HS6ST1: variants seen among roughly 807,000 people sequenced by gnomAD.
HS6ST1 encodes the protein heparan sulfate 6-O-sulfotransferase 1, also known as heparan-sulfate 6-O-sulfotransferase 1.
A neutral mutation model predicts 25.2 loss-of-function variants in HS6ST1; 3 were observed. The observed-to-expected ratio is 0.12, with a 90% CI of 0.05 to 0.31. HS6ST1 has a LOEUF of 0.31. Ranked by LOEUF, HS6ST1 falls within the 10% of genes least tolerant of loss-of-function variation. The pLI, the probability that HS6ST1 is intolerant of heterozygous loss-of-function variation, is 1.00. For synonymous variants in HS6ST1, 204 were observed against 275.1 expected, an observed-to-expected ratio of 0.74 and a Z score of 2.56; for missense variants, 310 against 609.6, an observed-to-expected ratio of 0.51 and a Z score of 5.18.
intron 1 of HS6ST1, among the ~76,000 whole-genome samples, chr2:128,284,883 AC>A (rs918230969): frequency 1.3e-5 from 2 of 151,748 alleles, no homozygotes; most frequent in Non-Finnish European, 2.9e-5. Flanking sequence ...ACGGCTGCAG[AC>A]CCCCACCCCC....
At chr2:128,312,070 C>G (rs541981611) in intron 1 of HS6ST1, among the ~76,000 whole-genome samples, 1 of 152,234 alleles carries the variant, frequency 6.6e-6, no homozygotes, top group Admixed American at 6.5e-5. Context: ...GTAAACGCAA[C>G]GACACAGGCC....
At chr2:128,304,641 C>A (rs1056396834) in intron 1 of HS6ST1, among the ~76,000 whole-genome samples, 1 of 131,810 alleles carries the variant, frequency 7.6e-6, no homozygotes, top group Non-Finnish European at 1.6e-5. Flanking sequence ...ATGCACACAG[C>A]CGCTGTAGTC....
chr2:128,287,386 C>T (rs1003464592), intron 1 of HS6ST1, among the ~76,000 whole-genome samples: 6 of 152,160 alleles, frequency 3.9e-5, no homozygotes, highest in Non-Finnish European at 8.8e-5. Flanking sequence ...TGAGGGTGAA[C>T]GAGACCCCCA....
At chr2:128,304,551 C>A (rs1177968256) in intron 1 of HS6ST1, among the ~76,000 whole-genome samples, 1 of 47,218 alleles carries the variant, frequency 2.1e-5, no homozygotes, top group South Asian at 5.1e-4. Context: ...GACAGCTGCA[C>A]AGGACTCCAG....
In HS6ST1 at chr2:128,266,973, G is replaced by A. The variant is rs1693526646; in HGVS notation, c.*1189C>T. The A allele has an allele frequency of 6.6e-6, 1 of 152,160 alleles. No individual in the cohort carries two copies. The highest frequency in any genetic ancestry group is 1.5e-5 in the Non-Finnish European group (1 of 68,040). The allele number at this position is 152,160 out of a possible 1,614,324, so 9.4% of individuals were successfully genotyped here. A position where few individuals can be genotyped will look rare whatever the true frequency, so the allele number is the denominator to read the frequency against. Reference sequence around the variant, plus strand: ...CATGGGGAAATGCAAGGAGAGCCAGGGTGGGGAGGGCTGAGTGTCTGTTGT... The same window carrying A: ...CATGGGGAAATGCAAGGAGAGCCAGAGTGGGGAGGGCTGAGTGTCTGTTGT... On this transcript the variant is annotated 3_prime_UTR_variant, in exon 2 of 2. Transcript: ENST00000259241.
Position 128,314,705 on chromosome 2 carries a change from C to CA in HS6ST1, c.527+3331dup, listed in dbSNP as rs58728217. Among the ~76,000 whole-genome samples, 249 of 152,320 alleles carry CA rather than the reference C, an allele frequency of 1.6e-3. 1 individual carries two copies. The highest frequency in any genetic ancestry group is 5.7e-3 in the African/African-American group (236 of 41,578). On this transcript the variant is annotated intron_variant, in intron 1 of 1. Transcript: ENST00000259241. ...CAAGGAAGCACTGGTCTCTGCAGGG[C>CA]AACGTCACAGAGGCTGCGAGCCCAC...
chr2:128,282,146 G>A (rs116339251), intron 1 of HS6ST1, among the ~76,000 whole-genome samples: 183 of 152,370 alleles, frequency 1.2e-3, no homozygotes, highest in African/African-American at 4.3e-3. Context: ...ACCATGGCCA[G>A]GGTGGTGTTT....
chr2:128,290,801 GTC>G (rs1199878686), intron 1 of HS6ST1, among the ~76,000 whole-genome samples: 2 of 112,662 alleles, frequency 1.8e-5, no homozygotes, highest in African/African-American at 7.3e-5. Context: ...GCGAAACACC[GTC>G]TCTACTAAAA....
chr2:128,300,572 G>A (rs921450366), intron 1 of HS6ST1, among the ~76,000 whole-genome samples: 1 of 152,206 alleles, frequency 6.6e-6, no homozygotes, highest in Non-Finnish European at 1.5e-5. Flanking sequence ...GGGAGGGACA[G>A]CTGGGACCCC....
intron 1 of HS6ST1, among the ~76,000 whole-genome samples, chr2:128,282,365 G>A (rs193026406): frequency 2.6e-5 from 4 of 152,348 alleles, no homozygotes; most frequent in Admixed American, 2.6e-4. Context: ...CCAACCTGGT[G>A]GTACCTCACT....
At chr2:128,293,969 T>A (rs538090445) in intron 1 of HS6ST1, among the ~76,000 whole-genome samples, 1 of 152,136 alleles carries the variant, frequency 6.6e-6, no homozygotes. Flanking sequence ...TGGGGGTCCA[T>A]GCTGAGACCA....
Position 128,267,324 on chromosome 2 carries a change from C to T in HS6ST1, c.*838G>A, listed in dbSNP as rs1427595567. On this transcript the variant is annotated 3_prime_UTR_variant, in exon 2 of 2. Transcript: ENST00000259241. ...TCTGAGCCAGGCCTGCCTGGATGGT[C>T]ACCTCCAAGGGCCAGCCGCGGACTC... 6.6e-6 allele frequency: 1 copy of T among 152,200 alleles called. No homozygotes were observed. The highest frequency in any genetic ancestry group is 2.4e-5 in the African/African-American group (1 of 41,450). 9.4% of individuals were successfully genotyped at this position (152,200 alleles called of 1,614,324 possible).
At chr2:128,274,213 T>C (rs1248119024) in intron 1 of HS6ST1, among the ~76,000 whole-genome samples, 3 of 151,830 alleles carry the variant, frequency 2.0e-5, no homozygotes, top group Non-Finnish European at 4.4e-5. Flanking sequence ...AGAATTGGAG[T>C]ACATCATTCA....
chr2:128,303,186 CTGAAAGGA>C (rs774294491), intron 1 of HS6ST1, among the ~76,000 whole-genome samples: 1 of 152,276 alleles, frequency 6.6e-6, no homozygotes, highest in Non-Finnish European at 1.5e-5. Flanking sequence ...TCGACGTTCT[CTGAAAGGA>C]TGCCCCAAGA....
Position 128,267,830 on chromosome 2 carries a change from C to T in HS6ST1, c.*332G>A, listed in dbSNP as rs541516135. On this transcript the variant is annotated 3_prime_UTR_variant, in exon 2 of 2. Coordinates refer to ENST00000259241, the MANE Select transcript of HS6ST1 (RefSeq NM_004807.3). ...TGGCAGGTCCACTTTCCGCTGTCCT[C>T]GTCTCTTGCGCAAACCTTCAGTTTT... 7.1e-4 allele frequency: 281 copies of T among 393,912 alleles called. No individual in the cohort carries two copies. Among genetic ancestry groups the T allele is most frequent in the Admixed American group, 1.6e-3 (39 of 24,938 alleles). 24.4% of individuals were successfully genotyped at this position (393,912 alleles called of 1,614,324 possible). A position where few individuals can be genotyped will look rare whatever the true frequency, so the allele number is the denominator to read the frequency against.
chr2:128,304,589 C>T (rs776826011), intron 1 of HS6ST1, among the ~76,000 whole-genome samples: 9 of 152,282 alleles, frequency 5.9e-5, no homozygotes, highest in Non-Finnish European at 1.2e-4. Flanking sequence ...CTGGTGACCT[C>T]TGCCCGTGGG....
intron 1 of HS6ST1, among the ~76,000 whole-genome samples, chr2:128,298,567 C>T (rs1694075388): frequency 6.6e-6 from 1 of 152,162 alleles, no homozygotes; most frequent in African/African-American, 2.4e-5. Context: ...CGTGAAAAGA[C>T]AGTATCATAT....
At chr2:128,309,305 T>C (rs1025981156) in intron 1 of HS6ST1, among the ~76,000 whole-genome samples, 3 of 152,184 alleles carry the variant, frequency 2.0e-5, no homozygotes, top group African/African-American at 7.2e-5. Context: ...GAAAAGAAAA[T>C]GAGGTTGAAT....
At chr2:128,273,957 C>T (rs569529742) in intron 1 of HS6ST1, among the ~76,000 whole-genome samples, 8 of 152,142 alleles carry the variant, frequency 5.3e-5, no homozygotes, top group East Asian at 1.9e-4. Context: ...TGCACACTCA[C>T]GGTGGTCCCC....
Sources: allele counts gnomAD v4.1 joint callset (sites outside exome capture counted in the v4.1 genomes callset), GRCh38; gene constraint gnomAD v4.1.1; transcripts MANE v1.5; gene names NCBI Gene and HGNC (gene_info 2026-07-23, HGNC 2026-07-21).